ASCC3: variants seen among roughly 807,000 people sequenced by gnomAD.
ASCC3 encodes activating signal cointegrator 1 complex subunit 3, also known as ASC-1 complex subunit P200.
Under a neutral mutation model 256.3 loss-of-function variants are expected in ASCC3, and 158 were observed. That is an observed-to-expected ratio of 0.62 (90% CI 0.54 to 0.70). ASCC3 has a LOEUF of 0.70. Ranked by LOEUF, ASCC3 falls within the 30% of genes least tolerant of loss-of-function variation. The pLI is 0.00. For missense variants in ASCC3, 2,259 were observed against 2,626.0 expected (o/e 0.86, Z 3.05); for synonymous variants, 948 against 883.4 (o/e 1.07, Z -1.30).
At chr6:100,675,756 T>C (rs957586730) in intron 14 of ASCC3, among the ~76,000 whole-genome samples, 1 of 152,248 alleles carries the variant, frequency 6.6e-6, no homozygotes, top group Non-Finnish European at 1.5e-5. Flanking sequence ...CTGATATATG[T>C]AAAAATACTG....
chr6:100,842,683 A>T (rs1249738961), intron 4 of ASCC3, among the ~76,000 whole-genome samples: 1 of 152,094 alleles, frequency 6.6e-6, no homozygotes, highest in Non-Finnish European at 1.5e-5. Context: ...ATTTTAAATG[A>T]TTTGGGGCTG....
At chr6:100,649,602 G>T (rs1775556644) in intron 20 of ASCC3, among the ~76,000 whole-genome samples, 1 of 151,420 alleles carries the variant, frequency 6.6e-6, no homozygotes, top group African/African-American at 2.4e-5. Flanking sequence ...AATATTCCAT[G>T]TTTAAAGGAC....
chr6:100,660,894 T>C (rs1459821375), intron 16 of ASCC3, among the ~76,000 whole-genome samples: 1 of 151,694 alleles, frequency 6.6e-6, no homozygotes, highest in Admixed American at 6.6e-5. Context: ...TTCTCCCCTT[T>C]TGGAATATAC....
chr6:100,764,366 A>C (rs1781552289), intron 10 of ASCC3, among the ~76,000 whole-genome samples: 1 of 152,252 alleles, frequency 6.6e-6, no homozygotes. Flanking sequence ...GATACTAAGA[A>C]AAAGGAGAAA....
chr6:100,530,728 C>A, intron 37 of ASCC3: 3 of 956,868 alleles, frequency 3.1e-6, no homozygotes, highest in Admixed American at 1.7e-5. Flanking sequence ...TTGAAAGAAC[C>A]AGGACAATTT....
rs534081693 is a variant in ASCC3 at position 100,723,738 on chromosome 6, G to A, written c.1902+1801C>T. 1.3e-4 allele frequency among the ~76,000 whole-genome samples: 19 copies of A among 150,486 alleles called. No individual in the cohort carries two copies. In the East Asian group the frequency reaches 1.4e-3, roughly 11 times the overall value. ...TCGGAATCAAGTAGATTATGATATC[G>A]TATCTAGGTATATAGGGAAGATGAC... is the stretch of plus-strand genomic sequence containing the variant. On this transcript the variant is annotated intron_variant, in intron 11 of 41. Coordinates refer to ENST00000369162, the MANE Select transcript of ASCC3 (RefSeq NM_006828.4).
At chr6:100,588,978 G>A (rs1158067327) in intron 36 of ASCC3, among the ~76,000 whole-genome samples, 1 of 151,934 alleles carries the variant, frequency 6.6e-6, no homozygotes, top group Non-Finnish European at 1.5e-5. Flanking sequence ...TGTTAACAAA[G>A]TTTTGTGGTA....
chr6:100,603,328 G>A (rs141721641), intron 33 of ASCC3, among the ~76,000 whole-genome samples: 1 of 152,188 alleles, frequency 6.6e-6, no homozygotes, highest in African/African-American at 2.4e-5. Flanking sequence ...TTATTACAAT[G>A]TGAACACAGT....
intron 4 of ASCC3, among the ~76,000 whole-genome samples, chr6:100,830,646 T>TA (rs1420958977): frequency 2.6e-5 from 4 of 152,096 alleles, no homozygotes; most frequent in East Asian, 1.9e-4. Flanking sequence ...TTTGTCTTTG[T>TA]AAAAAAACAA....
At chr6:100,560,254 C>T (rs1369174776) in intron 36 of ASCC3, among the ~76,000 whole-genome samples, 1 of 151,978 alleles carries the variant, frequency 6.6e-6, no homozygotes, top group Non-Finnish European at 1.5e-5. Flanking sequence ...ATTTTGGCTC[C>T]AGGGTAAACT....
chr6:100,575,332 A>G (rs954672196), intron 36 of ASCC3, among the ~76,000 whole-genome samples: 10 of 152,072 alleles, frequency 6.6e-5, no homozygotes, highest in African/African-American at 2.4e-4. Flanking sequence ...TTTCAACCTT[A>G]TATGTTTGAG....
rs1773038456 is a variant in ASCC3 at position 100,608,110 on chromosome 6, A to ATATAGATATATATACATATATATG, written c.4786-1023_4786-1022insCATATATATGTATATATATCTATA. Among the ~76,000 whole-genome samples, 4 of 122,048 alleles carry ATATAGATATATATACATATATATG rather than the reference A, an allele frequency of 3.3e-5. 1 individual carries two copies. The highest frequency in any genetic ancestry group is 1.2e-4 in the African/African-American group (4 of 32,546). 80.1% of individuals were successfully genotyped at this position (122,048 alleles called of 152,430 possible). On this transcript the variant is annotated intron_variant, in intron 30 of 41. Coordinates refer to ENST00000369162, the MANE Select transcript of ASCC3 (RefSeq NM_006828.4). The stretch of plus-strand genomic sequence containing the variant: ...TATATCTATATACACATATATATGT[A>ATATAGATATATATACATATATATG]TATATATCTATATATACATATATAT...
chr6:100,791,774 A>C (rs1377157802), intron 8 of ASCC3, among the ~76,000 whole-genome samples: 1 of 151,978 alleles, frequency 6.6e-6, no homozygotes, highest in African/African-American at 2.4e-5. Context: ...CATGTGTTTC[A>C]CTAAGCCAAA....
At chr6:100,791,279 TAC>T (rs1420685731) in intron 8 of ASCC3, among the ~76,000 whole-genome samples, 1 of 151,884 alleles carries the variant, frequency 6.6e-6, no homozygotes, top group African/African-American at 2.4e-5. Context: ...AGTTTTTCCT[TAC>T]AGTTTCCATA....
chr6:100,670,338 T>A (rs1367614066), intron 14 of ASCC3, among the ~76,000 whole-genome samples: 1 of 151,964 alleles, frequency 6.6e-6, no homozygotes, highest in Non-Finnish European at 1.5e-5. Flanking sequence ...AAACACCTTC[T>A]CTTCCCCTGT....
intron 10 of ASCC3, among the ~76,000 whole-genome samples, chr6:100,739,807 T>C (rs541171803): frequency 1.1e-4 from 16 of 152,276 alleles, no homozygotes; most frequent in Non-Finnish European, 1.9e-4. Context: ...TCTGATTGTG[T>C]TTGATTCTTT....
chr6:100,524,169 T>C (rs1774447281), intron 37 of ASCC3, among the ~76,000 whole-genome samples: 1 of 152,118 alleles, frequency 6.6e-6, no homozygotes, highest in Non-Finnish European at 1.5e-5. Flanking sequence ...CTGTATTCTA[T>C]TACGTGTGCT....
At chr6:100,777,755 T>A (rs72945178) in intron 8 of ASCC3, among the ~76,000 whole-genome samples, 1 of 152,014 alleles carries the variant, frequency 6.6e-6, no homozygotes, top group Non-Finnish European at 1.5e-5. Context: ...GTACAGAGAT[T>A]AGAGTGGCTG....
chr6:100,614,152 T>C (rs1412618590), intron 30 of ASCC3, among the ~76,000 whole-genome samples: 1 of 152,210 alleles, frequency 6.6e-6, no homozygotes, highest in Non-Finnish European at 1.5e-5. Flanking sequence ...TTATTTCCAT[T>C]GTTGAAGAAT....
Sources: allele counts gnomAD v4.1 joint callset (sites outside exome capture counted in the v4.1 genomes callset), GRCh38; gene constraint gnomAD v4.1.1; transcripts MANE v1.5; gene names NCBI Gene and HGNC (gene_info 2026-07-23, HGNC 2026-07-21).